Variants in ACER1 observed in about 807,000 individuals in gnomAD.
ACER1 encodes alkaline ceramidase 1.
In ACER1, 28 loss-of-function variants were observed where a neutral mutation model predicts 24.9. That is an observed-to-expected ratio of 1.13 (90% CI 0.83 to 1.54). The LOEUF is 1.54. ACER1 is among the 40% of genes most tolerant of loss of function. The pLI, the probability that ACER1 is intolerant of heterozygous loss-of-function variation, is 0.00. For synonymous variants in ACER1, 132 were observed against 131.4 expected, an observed-to-expected ratio of 1.00 and a Z score of -0.03; for missense variants, 352 against 349.3, an observed-to-expected ratio of 1.01 and a Z score of -0.06.
the ACER1 span, among the ~76,000 whole-genome samples, chr19:6,347,109 A>AAAAATATATATATATATATATATAT: frequency 4.3e-4 from 49 of 113,724 alleles, no homozygotes; most frequent in African/African-American, 2.3e-3. Context: ...AAAAAAAAAA[A>AAAAATATATATATATATATATATAT]ATATATATAT....
At chr19:6,310,249 G>A (rs959840670) in intron 3 of ACER1, among the ~76,000 whole-genome samples, 3 of 150,826 alleles carry the variant, frequency 2.0e-5, no homozygotes, top group Admixed American at 6.6e-5. Context: ...CACCACGCCC[G>A]GCTCATTTTT....
intron 5 of ACER1, 110 bp downstream of exon 5, chr19:6,307,043 G>T: frequency 6.5e-7 from 1 of 1,530,508 alleles, no homozygotes. Flanking sequence ...CCAGTGTCTG[G>T]CTCTCCTCTC....
chr19:6,306,488 G>C lies in ACER1; in HGVS notation c.*226C>G. On this transcript the variant is annotated 3_prime_UTR_variant, in exon 6 of 6. Transcript: ENST00000301452. The stretch of plus-strand genomic sequence containing the variant: ...AAAGAGGATGGGGGGGGTCATGGAG[G>C]GGAGATGCACGAGACAGCCCCCCAC... The C allele has an allele frequency of 2.0e-6, 1 of 501,756 alleles. No homozygotes were observed. 31.1% of individuals were successfully genotyped at this position (501,756 alleles called of 1,614,324 possible). A position where few individuals can be genotyped will look rare whatever the true frequency, so the allele number is the denominator to read the frequency against.
chr19:6,309,487 A>G (rs1230362098), intron 4 of ACER1, among the ~76,000 whole-genome samples: 3 of 152,018 alleles, frequency 2.0e-5, no homozygotes, highest in Non-Finnish European at 4.4e-5. Context: ...ACGCCCCTGC[A>G]CTCCAGCCTG....
chr19:6,320,556 G>A (rs183549614), intron 1 of ACER1, among the ~76,000 whole-genome samples: 40 of 151,988 alleles, frequency 2.6e-4, no homozygotes, highest in Admixed American at 1.1e-3. Context: ...CAGGTTATCC[G>A]CCTGCCTCAG....
At chr19:6,348,838 A>G in the ACER1 span, among the ~76,000 whole-genome samples, 7 of 151,856 alleles carry the variant, frequency 4.6e-5, no homozygotes, top group East Asian at 1.2e-3. Flanking sequence ...CGGGTGGATC[A>G]TGAGATCAGG....
rs1447618650 is a variant in ACER1 at position 6,327,500 on chromosome 19, G to A, written c.93+5959C>T. Among the ~76,000 whole-genome samples, 4 of 152,106 alleles carry A rather than the reference G, an allele frequency of 2.6e-5. No homozygotes were observed. In the East Asian group the frequency reaches 7.7e-4, roughly 29 times the overall value. On this transcript the variant is annotated intron_variant, in intron 1 of 5. Coordinates refer to ENST00000301452, the MANE Select transcript of ACER1 (RefSeq NM_133492.3). ...GAATGGTGTGAACCCGGGAGGCGGA[G>A]CTTGCAGTGAGCCGAGATCAGGCCA...
In ACER1 at chr19:6,312,176, T is replaced by C; in HGVS notation, c.323A>G (p.Tyr108Cys). Reference sequence around the variant, plus strand: ...GTTCCCCCCAAGGAAGGAGGGGAAATAGCAGCGGGGCATCCATATGCTATA... The same window carrying C: ...GTTCCCCCCAAGGAAGGAGGGGAAACAGCAGCGGGGCATCCATATGCTATA... ...SGYSIWMPRCYFPSFLGGNRS... is the reference protein window; with the variant it reads ...SGYSIWMPRCCFPSFLGGNRS... The change falls in exon 3 of 6, where the codon TAT becomes TGT. Residue 108 changes from tyrosine to cysteine, a missense_variant. Tyr to Cys is a radical substitution (Grantham distance 194). Transcript: ENST00000301452. 1 of 1,613,642 alleles carries C rather than the reference T, an allele frequency of 6.2e-7. No homozygotes were observed. The highest frequency in any genetic ancestry group is 8.5e-7 in the Non-Finnish European group (1 of 1,179,726).
chr19:6,338,185 G>A (rs1275279129), upstream of ACER1, among the ~76,000 whole-genome samples: 1 of 152,164 alleles, frequency 6.6e-6, no homozygotes, highest in Admixed American at 6.6e-5. Context: ...GGAGGGCAGT[G>A]GTAAAATCCT....
the ACER1 span, among the ~76,000 whole-genome samples, chr19:6,346,464 C>T: frequency 2.6e-5 from 4 of 151,296 alleles, no homozygotes; most frequent in Non-Finnish European, 4.4e-5. Flanking sequence ...CTCCTCCTCC[C>T]CCTCCTCTTC....
the ACER1 span, chr19:6,344,005 T>G: frequency 6.6e-6 from 1 of 152,084 alleles, no homozygotes; most frequent in Admixed American, 6.6e-5. Flanking sequence ...CATCCCTGAG[T>G]TAAAGACTTG....
At chr19:6,324,159 C>G (rs1242601895) in intron 1 of ACER1, among the ~76,000 whole-genome samples, 1 of 151,846 alleles carries the variant, frequency 6.6e-6, no homozygotes, top group Non-Finnish European at 1.5e-5. Flanking sequence ...ATTCTCCTGC[C>G]TCACCCTCCT....
At chr19:6,347,200 CTCTT>C in the ACER1 span, among the ~76,000 whole-genome samples, 1 of 144,478 alleles carries the variant, frequency 6.9e-6, no homozygotes, top group South Asian at 2.2e-4. Flanking sequence ...TGGAAATAGT[CTCTT>C]TTTCTTTTCT....
chr19:6,322,584 A>G (rs2091636380), intron 1 of ACER1, among the ~76,000 whole-genome samples: 1 of 152,118 alleles, frequency 6.6e-6, no homozygotes, highest in African/African-American at 2.4e-5. Flanking sequence ...AGCCACAACC[A>G]TGAGTGTCTG....
In ACER1 at chr19:6,322,548, A is replaced by T. The variant is rs2091636129; in HGVS notation, c.94-10049T>A. Reference sequence around the variant, plus strand: ...ATGAAGCCTCCCAACACCTGGGCTGACTCCTCGGGTGTTTTCTTCTCCTGT... The same window carrying T: ...ATGAAGCCTCCCAACACCTGGGCTGTCTCCTCGGGTGTTTTCTTCTCCTGT... On this transcript the variant is annotated intron_variant, in intron 1 of 5. Coordinates refer to ENST00000301452, the MANE Select transcript of ACER1 (RefSeq NM_133492.3). 2.0e-5 allele frequency among the ~76,000 whole-genome samples: 3 copies of T among 151,184 alleles called. No individual in the cohort carries two copies. In the South Asian group the frequency reaches 6.3e-4, roughly 32 times the overall value.
the ACER1 span, among the ~76,000 whole-genome samples, chr19:6,351,568 C>CAAA: frequency 0.034 from 4,233 of 126,090 alleles, 230 homozygotes; most frequent in African/African-American, 0.12. Context: ...CGGCCCTTAC[C>CAAA]AAAAAAAAAA....
intron 1 of ACER1, among the ~76,000 whole-genome samples, chr19:6,323,201 A>G (rs1308306237): frequency 1.3e-5 from 2 of 152,086 alleles, no homozygotes; most frequent in African/African-American, 4.8e-5. Context: ...CAGGCAGATC[A>G]CGAAGTCAGG....
chr19:6,341,596 T>C, the ACER1 span, among the ~76,000 whole-genome samples: 3 of 151,058 alleles, frequency 2.0e-5, no homozygotes, highest in South Asian at 2.1e-4. Context: ...CATTGGGCTT[T>C]TTTTTGTTTT....
chr19:6,325,018 G>A (rs747650773), intron 1 of ACER1, among the ~76,000 whole-genome samples: 1 of 152,030 alleles, frequency 6.6e-6, no homozygotes, highest in Non-Finnish European at 1.5e-5. Context: ...GCCCACACCT[G>A]GACCTCTTCC....
Sources: allele counts gnomAD v4.1 joint callset (sites outside exome capture counted in the v4.1 genomes callset), GRCh38; gene constraint gnomAD v4.1.1; transcripts MANE v1.5; gene names NCBI Gene and HGNC (gene_info 2026-07-23, HGNC 2026-07-21).